The following AK9 variants were observed in gnomAD, a reference collection of about 807,000 sequenced individuals.
The protein encoded by AK9 is adenylate kinase domain containing 1.
A neutral mutation model predicts 239.6 loss-of-function variants in AK9; 191 were observed. The observed-to-expected ratio is 0.80, with a 90% CI of 0.71 to 0.90. The LOEUF (loss-of-function observed/expected upper bound fraction) is 0.90. Ranked by LOEUF, AK9 falls within the 40% of genes least tolerant of loss-of-function variation. The pLI is 0.00. For synonymous variants in AK9, 689 were observed against 721.0 expected (o/e 0.96, Z 0.71); for missense variants, 1,995 against 2,214.7 (o/e 0.90, Z 1.99).
intron 29 of AK9, among the ~76,000 whole-genome samples, chr6:109,518,873 T>C (rs182360518): frequency 2.0e-4 from 31 of 152,210 alleles, no homozygotes; most frequent in Middle Eastern, 3.4e-3. Flanking sequence ...AAGGGTATAT[T>C]GCATGATGCT....
chr6:109,598,540 G>T (rs144310092), intron 17 of AK9, among the ~76,000 whole-genome samples: 1 of 152,130 alleles, frequency 6.6e-6, no homozygotes, highest in African/African-American at 2.4e-5. Context: ...ATCTACGTGT[G>T]CATGTGTCTT....
Position 109,619,175 on chromosome 6 carries a change from T to A in AK9, c.1316A>T (p.Glu439Val), listed in dbSNP as rs539787849. ...RFDKARETLVENTIAEATAAA... is the reference protein window; with the variant it reads ...RFDKARETLVVNTIAEATAAA... ...TGCAGTGGCCTCAGCTATGGTATTT[T>A]CTACTAATGTTTCACGGGCTTTATC... Residue 439 changes from glutamate to valine, a missense_variant, in exon 13 of 41, where the codon GAA becomes GTA. Glu to Val is a moderately radical substitution (Grantham distance 121, BLOSUM62 -2). This residue lies in a region of AK9 where 1,290 missense variants were observed against 1,392.7 expected (regional missense o/e 0.93). Coordinates refer to ENST00000424296, the MANE Select transcript of AK9 (RefSeq NM_001145128.3). The A allele has an allele frequency of 6.4e-6, 10 of 1,550,550 alleles. No homozygotes were observed. Among genetic ancestry groups the A allele is most frequent in the Non-Finnish European group, 8.7e-6 (10 of 1,146,462 alleles).
At chr6:109,614,878 T>A (rs1444473849) in intron 13 of AK9, among the ~76,000 whole-genome samples, 1 of 152,298 alleles carries the variant, frequency 6.6e-6, no homozygotes, top group East Asian at 1.9e-4. Flanking sequence ...CAGCAAAAAA[T>A]TCCAATTTAA....
At chr6:109,533,070 A>G (rs527347657) in intron 28 of AK9, among the ~76,000 whole-genome samples, 181 bp downstream of exon 28, 1 of 152,310 alleles carries the variant, frequency 6.6e-6, no homozygotes, top group African/African-American at 2.4e-5. Context: ...CACATTGATC[A>G]CCACAAAAGC....
intron 17 of AK9, among the ~76,000 whole-genome samples, chr6:109,596,663 T>G (rs1175457236): frequency 6.6e-6 from 1 of 152,204 alleles, no homozygotes; most frequent in Non-Finnish European, 1.5e-5. Context: ...CAATGAAATC[T>G]GTGAACAGGA....
chr6:109,534,676 T>A (rs1781741302), intron 27 of AK9, among the ~76,000 whole-genome samples: 1 of 152,118 alleles, frequency 6.6e-6, no homozygotes, highest in African/African-American at 2.4e-5. Flanking sequence ...TATGTATACA[T>A]GTGCCATGTC....
At chr6:109,604,209 G>T (rs945262272) in intron 17 of AK9, among the ~76,000 whole-genome samples, 1 of 152,066 alleles carries the variant, frequency 6.6e-6, no homozygotes, top group African/African-American at 2.4e-5. Flanking sequence ...TGGCCATCTT[G>T]GAACCGCCGT....
intron 17 of AK9, among the ~76,000 whole-genome samples, chr6:109,601,976 C>T (rs145552543): frequency 6.8e-4 from 103 of 152,220 alleles, no homozygotes; most frequent in Admixed American, 1.6e-3. Context: ...TGTGTCTGCA[C>T]GTGAGATGGG....
intron 38 of AK9, among the ~76,000 whole-genome samples, chr6:109,496,621 T>C (rs1034624794): frequency 4.6e-5 from 7 of 152,080 alleles, no homozygotes; most frequent in African/African-American, 1.7e-4. Flanking sequence ...GGCTCTCCTT[T>C]CATGTCTCTG....
intron 36 of AK9, among the ~76,000 whole-genome samples, chr6:109,498,558 TTATAA>T (rs1162781681): frequency 2.0e-4 from 30 of 152,266 alleles, no homozygotes; most frequent in African/African-American, 6.7e-4. Flanking sequence ...ATTTTGGACA[TTATAA>T]TATGAGACGA....
At chr6:109,592,000 T>C (rs1220309499) in intron 17 of AK9, among the ~76,000 whole-genome samples, 1 of 152,192 alleles carries the variant, frequency 6.6e-6, no homozygotes, top group East Asian at 1.9e-4. Flanking sequence ...TAAACAGAAC[T>C]AACATCAGAA....
chr6:109,624,446 G>A (rs1795278030), intron 12 of AK9, among the ~76,000 whole-genome samples: 1 of 152,066 alleles, frequency 6.6e-6, no homozygotes, highest in African/African-American at 2.4e-5. Flanking sequence ...GACTGAAAAT[G>A]CCCTCATTCT....
chr6:109,539,939 T>C (rs1782626896), intron 27 of AK9, among the ~76,000 whole-genome samples: 1 of 152,138 alleles, frequency 6.6e-6, no homozygotes, highest in South Asian at 2.1e-4. Context: ...ACAGTAAATG[T>C]TGCTCCCTGA....
intron 35 of AK9, among the ~76,000 whole-genome samples, chr6:109,502,507 C>T (rs1238027875): frequency 6.6e-6 from 1 of 152,212 alleles, no homozygotes; most frequent in Non-Finnish European, 1.5e-5. Flanking sequence ...CCCCTAGAAC[C>T]TTCAGGCAGA....
intron 24 of AK9, among the ~76,000 whole-genome samples, chr6:109,554,723 G>T (rs1784774523): frequency 6.6e-6 from 1 of 151,786 alleles, no homozygotes. Flanking sequence ...GTACAGACAG[G>T]GTTTCGCTAT....
intron 10 of AK9, among the ~76,000 whole-genome samples, chr6:109,636,299 G>A (rs1796702442): frequency 6.6e-6 from 1 of 152,076 alleles, no homozygotes; most frequent in African/African-American, 2.4e-5. Flanking sequence ...GGTCTCTGTG[G>A]CTTTCCTACC....
chr6:109,645,484 G>A (rs559660264), intron 8 of AK9, among the ~76,000 whole-genome samples: 9 of 152,326 alleles, frequency 5.9e-5, no homozygotes, highest in South Asian at 2.1e-4. Context: ...ATCCAACTGC[G>A]AGGCAGCAGC....
chr6:109,545,908 G>C lies in AK9; in HGVS notation c.3184C>G (p.Gln1062Glu). Reference protein sequence around the residue: ...AKQELEELAIQANVKVEEENT... With the variant: ...AKQELEELAIEANVKVEEENT... ...TCTTCCTCAACTTTGACATTGGCCT[G>C]AATTGCAAGCTCTTCAAGTTCTTGT... Residue 1062 changes from glutamine (Q) to glutamate (E), a missense_variant, in exon 26 of 41, where the codon CAG (glutamine) becomes GAG (glutamate). By Grantham distance (29) the Gln-to-Glu change is conservative. Coordinates refer to ENST00000424296, the MANE Select transcript of AK9 (RefSeq NM_001145128.3). The C allele has an allele frequency of 6.2e-7, 1 of 1,611,470 alleles. No homozygotes were observed. The highest frequency in any genetic ancestry group is 8.5e-7 in the Non-Finnish European group (1 of 1,179,476).
In AK9 at chr6:109,607,501, A is replaced by C. The variant is rs373700630; in HGVS notation, c.1842+2864T>G. Among the ~76,000 whole-genome samples the C allele has an allele frequency of 4.9e-4, 74 of 152,312 alleles. No individual in the cohort carries two copies. In the South Asian group the frequency reaches 0.014, roughly 29 times the overall value. On this transcript the variant is annotated intron_variant, in intron 17 of 40. Coordinates refer to ENST00000424296, the MANE Select transcript of AK9 (RefSeq NM_001145128.3). ...TGTATTAGGCATTATAAGTAATCTA[A>C]AAATGATTTAAAGTATATGGAAGGA... is the stretch of plus-strand genomic sequence containing the variant.
Sources: allele counts gnomAD v4.1 joint callset (sites outside exome capture counted in the v4.1 genomes callset), GRCh38; gene constraint gnomAD v4.1.1; regional missense constraint gnomAD v4.1.1; transcripts MANE v1.5; gene names NCBI Gene and HGNC (gene_info 2026-07-23, HGNC 2026-07-21).